Variants in GLRA3 observed in about 807,000 individuals in gnomAD.
The protein encoded by GLRA3 is glycine receptor subunit alpha-3.
In GLRA3, 44 loss-of-function variants were observed where a neutral mutation model predicts 60.4. The ratio of observed to expected loss-of-function variants is 0.73; its 90% CI spans 0.57 to 0.94. The LOEUF (loss-of-function observed/expected upper bound fraction) is 0.94, where lower values mean the gene tolerates loss of function less well. Among genes scored for constraint, GLRA3 ranks in the 40% least tolerant of loss-of-function variants. The pLI is 0.00. For missense variants in GLRA3, 508 were observed against 564.6 expected (o/e 0.90, Z 1.02); for synonymous variants, 223 against 192.9 (o/e 1.16, Z -1.29).
chr4:174,714,774 CAATT>C (rs1385182311), intron 5 of GLRA3, among the ~76,000 whole-genome samples: 7 of 152,094 alleles, frequency 4.6e-5, no homozygotes, highest in African/African-American at 1.2e-4. Context: ...ACACTGTAAA[CAATT>C]AATTTAGGAC....
chr4:174,770,327 A>C (rs889718293), intron 2 of GLRA3, among the ~76,000 whole-genome samples: 2 of 152,158 alleles, frequency 1.3e-5, no homozygotes, highest in African/African-American at 4.8e-5. Context: ...TATTTTTAAA[A>C]GCTTCCTAGG....
rs926561033 is a variant in GLRA3, at chr4:174,808,794, A to T, written c.72-19851T>A. On this transcript the variant is annotated intron_variant, in intron 1 of 9. Transcript: ENST00000274093. ...TTAGTTTTTAACAAAAAAAAAATTT[A>T]AATGTGAAAAAAATTTAAACCTAGA... 5.3e-5 allele frequency among the ~76,000 whole-genome samples: 8 copies of T among 152,282 alleles called. No homozygotes were observed. The East Asian group carries it at 5.8e-4, about 11-fold the overall frequency.
intron 9 of GLRA3, among the ~76,000 whole-genome samples, chr4:174,656,059 A>T (rs1385995376): frequency 6.6e-6 from 1 of 152,102 alleles, no homozygotes; most frequent in African/African-American, 2.4e-5. Flanking sequence ...TGGCTTCAGT[A>T]GATTTCTGTT....
At chr4:174,692,235 G>C (rs374541702) in intron 5 of GLRA3, among the ~76,000 whole-genome samples, 1 of 149,752 alleles carries the variant, frequency 6.7e-6, no homozygotes, top group Non-Finnish European at 1.5e-5. Context: ...GTCAGCCCCC[G>C]CCAGGCCAGC....
intron 5 of GLRA3, among the ~76,000 whole-genome samples, chr4:174,706,199 C>T (rs1735513896): frequency 1.3e-5 from 2 of 151,352 alleles, no homozygotes; most frequent in South Asian, 2.1e-4. Flanking sequence ...CACTGCACTC[C>T]AGCCTGGGCG....
intron 3 of GLRA3, among the ~76,000 whole-genome samples, chr4:174,735,928 G>A (rs566597207): frequency 6.6e-6 from 1 of 152,160 alleles, no homozygotes; most frequent in South Asian, 2.1e-4. Context: ...TCTACTACTG[G>A]AACATATGAC....
At chr4:174,718,785 T>G (rs1736021366) in intron 4 of GLRA3, among the ~76,000 whole-genome samples, 2 of 152,158 alleles carry the variant, frequency 1.3e-5, no homozygotes, top group Non-Finnish European at 1.5e-5. Flanking sequence ...TTTTAAACAC[T>G]TTGTGTATGT....
rs928026466 is a variant in GLRA3 at position 174,643,329 on chromosome 4, CTA to C, written c.*455_*456del. 1.0e-5 allele frequency: 6 copies of C among 583,776 alleles called. No individual in the cohort carries two copies. Among genetic ancestry groups the C allele is most frequent in the Non-Finnish European group, 1.2e-5 (6 of 513,882 alleles). 36.2% of individuals were successfully genotyped at this position (583,776 alleles called of 1,614,324 possible). A position where few individuals can be genotyped will look rare whatever the true frequency, so the allele number is the denominator to read the frequency against. ...AATATGAGTGAATTTCCCACTGTAA[CTA>C]ATTATTTTCCCATTTTGTAACTATA... is the stretch of plus-strand genomic sequence containing the variant. On this transcript the variant is annotated 3_prime_UTR_variant, in exon 10 of 10. Coordinates refer to ENST00000274093, the MANE Select transcript of GLRA3 (RefSeq NM_006529.4).
chr4:174,720,768 A>T (rs1473352703), intron 4 of GLRA3, among the ~76,000 whole-genome samples: 1 of 152,168 alleles, frequency 6.6e-6, no homozygotes, highest in African/African-American at 2.4e-5. Context: ...AGAGAGTTAA[A>T]TGTACATGGA....
Position 174,746,125 on chromosome 4 carries a change from A to G in GLRA3, c.268-17427T>C, listed in dbSNP as rs142252669. On this transcript the variant is annotated intron_variant, in intron 3 of 9. Coordinates refer to ENST00000274093, the MANE Select transcript of GLRA3 (RefSeq NM_006529.4). ...TAAAAGTAGAACTACCACACAATCC[A>G]GCAATCTTACTACTGGGTATCTATC... 4.4e-3 allele frequency among the ~76,000 whole-genome samples: 666 copies of G among 152,312 alleles called. 6 individuals carry two copies. The highest frequency in any genetic ancestry group is 0.015 in the African/African-American group (639 of 41,574).
At chr4:174,701,374 T>G (rs1159799889) in intron 5 of GLRA3, among the ~76,000 whole-genome samples, 1 of 152,212 alleles carries the variant, frequency 6.6e-6, no homozygotes, top group Non-Finnish European at 1.5e-5. Flanking sequence ...TTGCTCAGAA[T>G]AAAAGATTCC....
intron 5 of GLRA3, among the ~76,000 whole-genome samples, chr4:174,688,892 A>G (rs1362859830): frequency 6.6e-6 from 1 of 152,144 alleles, no homozygotes. Context: ...GAGAAAAGTG[A>G]TGACAGGAAA....
chr4:174,795,355 A>G (rs1393920608), intron 1 of GLRA3, among the ~76,000 whole-genome samples: 1 of 152,034 alleles, frequency 6.6e-6, no homozygotes, highest in African/African-American at 2.4e-5. Flanking sequence ...CTATTCTTTA[A>G]TACTGGAAAT....
intron 1 of GLRA3, among the ~76,000 whole-genome samples, chr4:174,816,952 A>T (rs973936632): frequency 7.2e-5 from 11 of 152,144 alleles, no homozygotes; most frequent in African/African-American, 2.7e-4. Flanking sequence ...CCACCCCTCA[A>T]CTATTTCCAT....
intron 3 of GLRA3, among the ~76,000 whole-genome samples, chr4:174,754,525 C>T (rs940959013): frequency 1.3e-5 from 2 of 152,068 alleles, no homozygotes; most frequent in African/African-American, 2.4e-5. Flanking sequence ...TAGCATCAAT[C>T]TAATAATATC....
Position 174,753,005 on chromosome 4 carries a change from T to C in GLRA3, c.267+13958A>G, listed in dbSNP as rs559103844. Among the ~76,000 whole-genome samples the C allele has an allele frequency of 1.6e-3, 245 of 152,342 alleles. 3 individuals carry two copies. The highest frequency in any genetic ancestry group is 5.5e-3 in the African/African-American group (230 of 41,588). ...AATGGCTTATGTTATCAAGCCTCCT[T>C]GATGAGATTGAGAATAACTTCCCTT... On this transcript the variant is annotated intron_variant, in intron 3 of 9. Coordinates refer to ENST00000274093, the MANE Select transcript of GLRA3 (RefSeq NM_006529.4).
intron 2 of GLRA3, among the ~76,000 whole-genome samples, chr4:174,772,754 G>A (rs1240485282): frequency 6.6e-6 from 1 of 152,114 alleles, no homozygotes; most frequent in Admixed American, 6.6e-5. Context: ...TGGAAGTGTA[G>A]GAACTAACAT....
rs1734405389 is a variant in GLRA3, at chr4:174,682,805, T to C, written c.709A>G (p.Thr237Ala). ...DLRYCTKHYN[T>A]GKFTCIEVRF... ...AAGAACACTACTCAACCCCTACCTGTATTGTAATGTTTAGTGCAGTATCGT... is the reference window on the plus strand; with the variant it reads ...AAGAACACTACTCAACCCCTACCTGCATTGTAATGTTTAGTGCAGTATCGT... The change falls in exon 6 of 10, where the codon ACA becomes GCA. Residue 237 changes from threonine (T) to alanine (A), a missense_variant. By Grantham distance (58) the Thr-to-Ala change is moderately conservative (BLOSUM62 0). Transcript: ENST00000274093. 1.2e-6 allele frequency: 2 copies of C among 1,610,846 alleles called. No homozygotes were observed. Among genetic ancestry groups the C allele is most frequent in the Admixed American group, 1.7e-5 (1 of 59,930 alleles).
intron 9 of GLRA3, among the ~76,000 whole-genome samples, chr4:174,649,092 C>T (rs548222102): frequency 7.7e-4 from 117 of 151,948 alleles, no homozygotes; most frequent in Non-Finnish European, 1.2e-3. Context: ...CAGACTGACT[C>T]GAAGGCCAGG....
Sources: allele counts gnomAD v4.1 joint callset (sites outside exome capture counted in the v4.1 genomes callset), GRCh38; gene constraint gnomAD v4.1.1; transcripts MANE v1.5; gene names NCBI Gene and HGNC (gene_info 2026-07-23, HGNC 2026-07-21).